NRXN3: variants seen among roughly 807,000 people sequenced by gnomAD.
NRXN3 encodes neurexin III.
NRXN3 carries 32 observed loss-of-function variants against 137.6 expected under a neutral mutation model. The ratio of observed to expected loss-of-function variants is 0.23; its 90% CI spans 0.18 to 0.31. NRXN3 has a LOEUF of 0.31. NRXN3 is among the 10% of genes least tolerant of loss of function. The probability of loss-of-function intolerance (pLI) is 1.00; values close to 1 mark genes in which losing one functional copy is unlikely to be tolerated. For synonymous variants in NRXN3, 798 were observed against 784.5 expected, an observed-to-expected ratio of 1.02 and a Z score of -0.29; for missense variants, 1,574 against 2,062.5, an observed-to-expected ratio of 0.76 and a Z score of 4.59.
intron 16 of NRXN3, among the ~76,000 whole-genome samples, chr14:79,563,057 G>A (rs2097515105): frequency 6.6e-6 from 1 of 152,136 alleles, no homozygotes; most frequent in Admixed American, 6.6e-5. Flanking sequence ...GTAAACTCTT[G>A]AGGAGTAATT....
rs79820615 is a variant in NRXN3 at position 79,774,578 on chromosome 14, G to A, written c.4015-30534G>A. Among the ~76,000 whole-genome samples, 1,070 of 152,162 alleles carry A rather than the reference G, an allele frequency of 7.0e-3. 13 individuals carry two copies. Among genetic ancestry groups the A allele is most frequent in the East Asian group, 0.044 (230 of 5,182 alleles). ...ATATTCAGAAACCCATAATCAGACCGTTAATGAATGTCTTCGCATTCATTA... is the reference window on the plus strand; with the variant it reads ...ATATTCAGAAACCCATAATCAGACCATTAATGAATGTCTTCGCATTCATTA... On this transcript the variant is annotated intron_variant, in intron 19 of 20. Transcript: ENST00000335750.
intron 1 of NRXN3, among the ~76,000 whole-genome samples, chr14:78,238,846 G>T (rs1596277645): frequency 6.6e-6 from 1 of 152,354 alleles, no homozygotes; most frequent in East Asian, 1.9e-4. Flanking sequence ...CTGAAGGAAT[G>T]GGGAGGCTCA....
chr14:78,546,205 C>A (rs2096635116), intron 4 of NRXN3, among the ~76,000 whole-genome samples: 1 of 152,224 alleles, frequency 6.6e-6, no homozygotes, highest in African/African-American at 2.4e-5. Flanking sequence ...ACACCCTTTT[C>A]ACACATCCCT....
At chr14:78,858,761 A>C (rs1036222862) in intron 10 of NRXN3, among the ~76,000 whole-genome samples, 1 of 152,140 alleles carries the variant, frequency 6.6e-6, no homozygotes, top group Non-Finnish European at 1.5e-5. Context: ...TCTGCTCCAC[A>C]TGATTCCTTT....
At chr14:78,614,967 T>C (rs1040068424) in intron 4 of NRXN3, 1 of 456,504 alleles carries the variant, frequency 2.2e-6, no homozygotes, top group African/African-American at 2.0e-5. Flanking sequence ...TGGGATGGTG[T>C]TAGGCCCGGG....
At chr14:78,630,739 G>A (rs1601618156) in intron 4 of NRXN3, among the ~76,000 whole-genome samples, 1 of 151,912 alleles carries the variant, frequency 6.6e-6, no homozygotes, top group African/African-American at 2.4e-5. Context: ...AGAGTAGCTG[G>A]GACTGCAGGT....
chr14:79,235,065 A>G (rs1262247758), intron 15 of NRXN3, among the ~76,000 whole-genome samples: 1 of 152,122 alleles, frequency 6.6e-6, no homozygotes, highest in Non-Finnish European at 1.5e-5. Flanking sequence ...TGTTTTTAGA[A>G]CTTGAAATTG....
At chr14:78,512,225 C>T (rs2096122845) in intron 4 of NRXN3, among the ~76,000 whole-genome samples, 1 of 152,102 alleles carries the variant, frequency 6.6e-6, no homozygotes. Flanking sequence ...CATCCTAGAG[C>T]ATACAGCCCC....
At chr14:79,050,564 C>T (rs1346331627) in intron 15 of NRXN3, among the ~76,000 whole-genome samples, 1 of 152,182 alleles carries the variant, frequency 6.6e-6, no homozygotes, top group Non-Finnish European at 1.5e-5. Flanking sequence ...ATCTGATGGA[C>T]GATATGTACC....
At chr14:79,651,322 C>T (rs2098474770) in intron 16 of NRXN3, among the ~76,000 whole-genome samples, 2 of 152,142 alleles carry the variant, frequency 1.3e-5, no homozygotes, top group Admixed American at 1.3e-4. Context: ...CAAAAGTTCT[C>T]TCCCAAAGCA....
chr14:78,233,624 C>A (rs535641009), intron 1 of NRXN3, among the ~76,000 whole-genome samples: 1 of 132,498 alleles, frequency 7.5e-6, no homozygotes, highest in African/African-American at 2.9e-5. Context: ...GTTCACTAGA[C>A]AAAATTCTAT....
chr14:79,536,448 T>A (rs2097212149), intron 16 of NRXN3, among the ~76,000 whole-genome samples: 1 of 152,000 alleles, frequency 6.6e-6, no homozygotes, highest in Admixed American at 6.6e-5. Context: ...TCCCTTTTTT[T>A]ATTAATTATT....
At chr14:78,453,686 C>G (rs903771439) in intron 4 of NRXN3, among the ~76,000 whole-genome samples, 1 of 152,102 alleles carries the variant, frequency 6.6e-6, no homozygotes, top group Admixed American at 6.5e-5. Context: ...TGTAGATGAT[C>G]GAGTTAACGT....
intron 4 of NRXN3, among the ~76,000 whole-genome samples, chr14:78,562,130 G>A (rs756166272): frequency 6.6e-6 from 1 of 152,188 alleles, no homozygotes; most frequent in Non-Finnish European, 1.5e-5. Context: ...GGGGCACGAT[G>A]TCTCACGCCT....
At chr14:79,218,334 CA>C (rs1250659393) in intron 15 of NRXN3, among the ~76,000 whole-genome samples, 1 of 152,162 alleles carries the variant, frequency 6.6e-6, no homozygotes, top group Non-Finnish European at 1.5e-5. Context: ...CTTATTTCAT[CA>C]TGCCTCCAAA....
chr14:78,900,443 CTT>C (rs113445251), intron 10 of NRXN3, among the ~76,000 whole-genome samples: 3 of 142,428 alleles, frequency 2.1e-5, no homozygotes, highest in African/African-American at 2.5e-5. Flanking sequence ...CATTTTTTTT[CTT>C]TTTTTTTTTT....
intron 15 of NRXN3, among the ~76,000 whole-genome samples, chr14:79,400,200 C>T (rs966351335): frequency 4.6e-5 from 7 of 152,162 alleles, no homozygotes; most frequent in African/African-American, 1.4e-4. Flanking sequence ...CCTTAAATAT[C>T]CTATTGTCTT....
chr14:79,053,467 G>A (rs2099644980), intron 15 of NRXN3, among the ~76,000 whole-genome samples: 2 of 152,128 alleles, frequency 1.3e-5, no homozygotes, highest in South Asian at 4.1e-4. Flanking sequence ...TTGAATAATG[G>A]GCGATATCTA....
chr14:78,349,624 G>A (rs1399157119), intron 4 of NRXN3, among the ~76,000 whole-genome samples: 1 of 152,180 alleles, frequency 6.6e-6, no homozygotes, highest in African/African-American at 2.4e-5. Flanking sequence ...GTTGCTTCAT[G>A]TCTTAGTATT....
Sources: gnomAD v4.1 joint callset for allele counts (sites outside exome capture counted in the v4.1 genomes callset) on GRCh38, gnomAD v4.1.1 for gene constraint, MANE v1.5 for transcripts, NCBI Gene and HGNC (gene_info 2026-07-23, HGNC 2026-07-21) for gene names.